LNPK: variants seen among roughly 807,000 people sequenced by gnomAD.
LNPK encodes lunapark, ER junction formation factor, also known as endoplasmic reticulum junction formation protein lunapark.
In LNPK, 29 loss-of-function variants were observed where a neutral mutation model predicts 55.2. The observed-to-expected ratio is 0.53, with a 90% CI of 0.39 to 0.72. The LOEUF is 0.72. Among genes scored for constraint, LNPK ranks in the 30% least tolerant of loss-of-function variants. The probability of loss-of-function intolerance (pLI) is 0.00; values close to 1 mark genes in which losing one functional copy is unlikely to be tolerated. For synonymous variants in LNPK, 162 were observed against 168.2 expected (o/e 0.96, Z 0.29); for missense variants, 467 against 494.8 (o/e 0.94, Z 0.53).
At chr2:175,977,969 A>C (rs1344812633) in intron 5 of LNPK, among the ~76,000 whole-genome samples, 1 of 152,210 alleles carries the variant, frequency 6.6e-6, no homozygotes, top group African/African-American at 2.4e-5. Flanking sequence ...AGATGGCCAG[A>C]GTATTTAGAA....
chr2:175,928,267 T>G lies in LNPK; in HGVS notation c.*1700A>C, dbSNP rs891905007. 8.5e-5 allele frequency: 13 copies of G among 152,102 alleles called. No homozygotes were observed. Among genetic ancestry groups the G allele is most frequent in the African/African-American group, 2.9e-4 (12 of 41,432 alleles). 9.4% of individuals were successfully genotyped at this position (152,102 alleles called of 1,614,324 possible). ...ATGGTCCTTGCATATTTTAAAGACA[T>G]TAATAAGAACAAATGCCATCGTTTT... On this transcript the variant is annotated 3_prime_UTR_variant, in exon 13 of 13. Coordinates refer to ENST00000272748, the MANE Select transcript of LNPK (RefSeq NM_030650.3).
chr2:175,992,477 T>C (rs1016581312), intron 3 of LNPK, 59 bp from the exon 4 acceptor site: 14 of 1,092,540 alleles, frequency 1.3e-5, no homozygotes, highest in Admixed American at 3.4e-5. Flanking sequence ...GAAATTAAAA[T>C]GTTAAAAAAT....
At chr2:175,953,961 A>T (rs144633768) in intron 8 of LNPK, among the ~76,000 whole-genome samples, 3 of 152,158 alleles carry the variant, frequency 2.0e-5, no homozygotes, top group Admixed American at 6.5e-5. Context: ...TTTTTCAGGG[A>T]TATGGCAATA....
At chr2:175,933,355 A>G (rs1297568005) in intron 12 of LNPK, among the ~76,000 whole-genome samples, 2 of 152,186 alleles carry the variant, frequency 1.3e-5, no homozygotes, top group Non-Finnish European at 2.9e-5. Context: ...TCTTGAAAAA[A>G]TAATTTCTTA....
At chr2:175,956,268 A>C (rs927012998) in intron 8 of LNPK, among the ~76,000 whole-genome samples, 5 of 138,688 alleles carry the variant, frequency 3.6e-5, no homozygotes, top group Non-Finnish European at 6.2e-5. Context: ...TGACAGTGAG[A>C]CCATGTATTC....
rs1683919880 is a variant in LNPK at position 175,924,491 on chromosome 2, T to A, written c.*5476A>T. ...TATGTAACCTTCAGGTTGTATTTTT[T>A]AAATAACCTTAAATGCTGACACCAA... On this transcript the variant is annotated 3_prime_UTR_variant, in exon 13 of 13. Transcript: ENST00000272748. The A allele has an allele frequency of 1.3e-5, 2 of 152,202 alleles. No individual in the cohort carries two copies. Among genetic ancestry groups the A allele is most frequent in the South Asian group, 4.1e-4 (2 of 4,834 alleles). The allele number at this position is 152,202 out of a possible 1,614,324, so 9.4% of individuals were successfully genotyped here.
Position 175,947,506 on chromosome 2 carries a change from G to A in LNPK, c.680C>T (p.Ser227Phe). ...SSNVLPRHLG[S>F]PATSVPGMGL... is the part of the protein sequence containing the mutation. ...CATTCCAGGCACTGAAGTAGCAGGG[G>A]ATCCAAGATGTCTTGGTAACACATT... The change falls in exon 9 of 13, where the codon TCC becomes TTC. Residue 227 changes from serine (S) to phenylalanine (F), a missense_variant. Coordinates refer to ENST00000272748, the MANE Select transcript of LNPK (RefSeq NM_030650.3). 6.2e-7 allele frequency: 1 copy of A among 1,613,628 alleles called. No homozygotes were observed. Among genetic ancestry groups the A allele is most frequent in the African/African-American group, 1.3e-5 (1 of 75,042 alleles).
At position 175,937,390 on chromosome 2, in the gene LNPK, G is replaced by C. The variant is rs757317200; in HGVS notation, c.1008C>G (p.Pro336=). Residue 336 remains proline, a synonymous_variant, in exon 12 of 13, where the codon CCC becomes CCG. Coordinates refer to ENST00000272748, the MANE Select transcript of LNPK (RefSeq NM_030650.3). The part of the protein sequence containing the change: ...QVVEGSSSVG[P]LPSGSVLSSD... ...ATGAAAGCACACTTCCTGATGGCAA[G>C]GGACCAACTGAACTTGAACCTTCCA... 6.2e-7 allele frequency: 1 copy of C among 1,613,712 alleles called. No individual in the cohort carries two copies. Among genetic ancestry groups the C allele is most frequent in the Non-Finnish European group, 8.5e-7 (1 of 1,179,734 alleles).
chr2:175,975,423 C>T (rs1387168056), intron 5 of LNPK, among the ~76,000 whole-genome samples: 1 of 152,152 alleles, frequency 6.6e-6, no homozygotes, highest in Non-Finnish European at 1.5e-5. Context: ...CTACTTTTAA[C>T]AGTCCTACCA....
chr2:175,929,901 C>G lies in LNPK; in HGVS notation c.*66G>C. The G allele has an allele frequency of 6.3e-7, 1 of 1,588,490 alleles. No homozygotes were observed. The highest frequency in any genetic ancestry group is 1.2e-5 in the South Asian group (1 of 86,732). On this transcript the variant is annotated 3_prime_UTR_variant, in exon 13 of 13. Transcript: ENST00000272748. ...GAGGGGCAAAAAAAGTAAGTGCCACCGAAAAAGCAATAACTGACATCAGTA... is the reference window on the plus strand; with the variant it reads ...GAGGGGCAAAAAAAGTAAGTGCCACGGAAAAAGCAATAACTGACATCAGTA...
At position 175,995,546 on chromosome 2, in the gene LNPK, A is replaced by G; in HGVS notation, c.27+12T>C. The G allele has an allele frequency of 6.2e-7, 1 of 1,603,574 alleles. No individual in the cohort carries two copies. The highest frequency in any genetic ancestry group is 2.2e-5 in the East Asian group (1 of 44,456). On this transcript the variant is annotated intron_variant, in intron 2 of 12. Transcript: ENST00000272748. ...TAGACTCAAGAACTAGCTGTAAAGAAAAGTACCTTACCCTCCATCGAGAAA... is the reference window on the plus strand; with the variant it reads ...TAGACTCAAGAACTAGCTGTAAAGAGAAGTACCTTACCCTCCATCGAGAAA...
Position 175,967,561 on chromosome 2 carries a change from CTTTCA to C in LNPK, c.358-2977_358-2973del, listed in dbSNP as rs1686431625. On this transcript the variant is annotated intron_variant, in intron 6 of 12. Coordinates refer to ENST00000272748, the MANE Select transcript of LNPK (RefSeq NM_030650.3). ...AATATTCCAGATGTAAGAAAACTTT[CTTTCA>C]TTTCTTTCATTTTGCATTAACTTTG... The C allele has an allele frequency of 3.8e-6, 3 of 791,274 alleles. No homozygotes were observed. The African/African-American group carries it at 5.6e-5, about 15-fold the overall frequency. The allele number at this position is 791,274 out of a possible 1,614,324, so 49.0% of individuals were successfully genotyped here.
intron 4 of LNPK, among the ~76,000 whole-genome samples, chr2:175,981,890 A>G (rs1385535945): frequency 6.6e-6 from 1 of 150,542 alleles, no homozygotes; most frequent in African/African-American, 2.4e-5. Context: ...CATAATAAAC[A>G]TCTGTTGTTT....
chr2:176,002,113 T>C (rs1489895701), intron 1 of LNPK, 47 bp downstream of exon 1: 1 of 385,712 alleles, frequency 2.6e-6, no homozygotes, highest in Non-Finnish European at 5.1e-6. Flanking sequence ...TCAGCATGCC[T>C]CCCCGCTGCA....
chr2:175,986,555 T>A (rs1687422837), intron 4 of LNPK, among the ~76,000 whole-genome samples: 2 of 151,874 alleles, frequency 1.3e-5, no homozygotes, highest in Admixed American at 1.3e-4. Context: ...AAATAAAGAA[T>A]GAAAATAAAG....
chr2:175,932,199 A>G (rs1408811225), intron 12 of LNPK: 1 of 455,096 alleles, frequency 2.2e-6, no homozygotes, highest in Admixed American at 2.4e-5. Flanking sequence ...AAGGCTTGTC[A>G]TATTAAAGTT....
intron 9 of LNPK, among the ~76,000 whole-genome samples, chr2:175,945,884 C>T (rs1451034901): frequency 6.6e-6 from 1 of 152,170 alleles, no homozygotes; most frequent in African/African-American, 2.4e-5. Context: ...GTCATTTTTA[C>T]ACAGCTTGGC....
intron 4 of LNPK, among the ~76,000 whole-genome samples, chr2:175,988,394 C>A (rs182854139): frequency 1.3e-5 from 2 of 151,686 alleles, no homozygotes; most frequent in Non-Finnish European, 2.9e-5. Flanking sequence ...TGCGTATAAT[C>A]CCCACTACTC....
intron 9 of LNPK, among the ~76,000 whole-genome samples, chr2:175,944,308 T>C (rs1574824232): frequency 6.6e-6 from 1 of 152,116 alleles, no homozygotes; most frequent in East Asian, 1.9e-4. Flanking sequence ...TGTGTTCATG[T>C]AATAAATTAG....
Sources: allele counts gnomAD v4.1 joint callset (sites outside exome capture counted in the v4.1 genomes callset), GRCh38; gene constraint gnomAD v4.1.1; transcripts MANE v1.5; gene names NCBI Gene and HGNC (gene_info 2026-07-23, HGNC 2026-07-21).